The following TIAM1 variants were observed in gnomAD, a reference collection of about 807,000 sequenced individuals.
TIAM1 encodes the protein rho guanine nucleotide exchange factor TIAM1.
In TIAM1, 65 loss-of-function variants were observed where a neutral mutation model predicts 163.5. That is an observed-to-expected ratio of 0.40 (90% CI 0.33 to 0.49). The LOEUF (loss-of-function observed/expected upper bound fraction) is 0.49. Among genes scored for constraint, TIAM1 ranks in the 20% least tolerant of loss-of-function variants. TIAM1 has a pLI of 0.77. For missense variants in TIAM1, 1,789 were observed against 2,044.7 expected, an observed-to-expected ratio of 0.87 and a Z score of 2.41; for synonymous variants, 833 against 810.1, an observed-to-expected ratio of 1.03 and a Z score of -0.48.
At chr21:31,419,584 T>C (rs1161901311) in intron 2 of TIAM1, among the ~76,000 whole-genome samples, 1 of 152,242 alleles carries the variant, frequency 6.6e-6, no homozygotes, top group Admixed American at 6.5e-5. Flanking sequence ...ATGCATTAGA[T>C]GCGTTTAACA....
chr21:31,514,791 G>A (rs1017136118), intron 1 of TIAM1, among the ~76,000 whole-genome samples: 1 of 152,224 alleles, frequency 6.6e-6, no homozygotes, highest in Non-Finnish European at 1.5e-5. Context: ...CTGGAGTGTG[G>A]TCCCTGCTGA....
chr21:31,453,915 C>T (rs1260993384), intron 2 of TIAM1, among the ~76,000 whole-genome samples: 2 of 152,094 alleles, frequency 1.3e-5, no homozygotes, highest in East Asian at 3.9e-4. Flanking sequence ...GGCACACTGG[C>T]CACCTTTCTG....
In TIAM1 at chr21:31,454,372, G is replaced by A. The variant is rs148625250; in HGVS notation, c.-369+9611C>T. ...GATCTCATAAGGTTAAAAATTTTAAGAGCATGTCAGAAAACAACATGTGTA... is the reference window on the plus strand; with the variant it reads ...GATCTCATAAGGTTAAAAATTTTAAAAGCATGTCAGAAAACAACATGTGTA... On this transcript the variant is annotated intron_variant, in intron 2 of 28. Coordinates refer to the TIAM1 transcript ENST00000286827. Among the ~76,000 whole-genome samples the A allele has an allele frequency of 5.3e-4, 81 of 152,294 alleles. No individual in the cohort carries two copies. The East Asian group carries it at 0.013, about 25-fold the overall frequency.
chr21:31,179,382 C>T (rs114384289), intron 15 of TIAM1, among the ~76,000 whole-genome samples: 273 of 150,636 alleles, frequency 1.8e-3, no homozygotes, highest in African/African-American at 6.5e-3. Context: ...ACCGCAACTT[C>T]GTTTCAAAAA....
At chr21:31,196,551 C>A (rs2085870919) in intron 12 of TIAM1, among the ~76,000 whole-genome samples, 1 of 149,948 alleles carries the variant, frequency 6.7e-6, no homozygotes. Context: ...AAACTCTGAC[C>A]TCAAATGATC....
At chr21:31,247,037 T>C (rs2071538154) in intron 5 of TIAM1, among the ~76,000 whole-genome samples, 1 of 152,158 alleles carries the variant, frequency 6.6e-6, no homozygotes, top group Non-Finnish European at 1.5e-5. Context: ...AAGATAAAGT[T>C]TGCCAGGCAC....
rs777513192 is a variant in TIAM1, at chr21:31,213,412, C to A, written c.2203G>T (p.Val735Phe). Residue 735 changes from valine to phenylalanine, a missense_variant, in exon 10 of 28, where the codon GTT (valine) becomes TTT (phenylalanine). Around this residue, in one of 5 missense-constraint regions of TIAM1, gnomAD observed 456 missense variants for 586.6 expected, o/e 0.78. Coordinates refer to ENST00000541036, the MANE Select transcript of TIAM1 (RefSeq NM_001353694.2). The part of the protein sequence containing the change: ...KSLEGIFDDI[V>F]PDGKREKEVV... ...TTTATTTTTACCTTGCCATCTGGAA[C>A]AATGTCATCAAATATTCCCTCTAAA... 41 of 1,610,070 alleles carry A rather than the reference C, an allele frequency of 2.5e-5. No individual in the cohort carries two copies. In the Admixed American group the frequency reaches 6.3e-4, roughly 25 times the overall value.
intron 8 of TIAM1, among the ~76,000 whole-genome samples, chr21:31,223,157 C>T (rs567446710): frequency 3.3e-5 from 5 of 152,212 alleles, no homozygotes; most frequent in East Asian, 1.9e-4. Flanking sequence ...ATGTGAACAG[C>T]GCTGAAGATG....
intron 6 of TIAM1, among the ~76,000 whole-genome samples, chr21:31,240,275 G>A (rs977968248): frequency 3.3e-5 from 5 of 152,096 alleles, no homozygotes; most frequent in South Asian, 4.1e-4. Flanking sequence ...AAAGCAACAC[G>A]AACAGTGGTA....
intron 4 of TIAM1, among the ~76,000 whole-genome samples, chr21:31,262,529 C>T (rs2072536736): frequency 6.6e-6 from 1 of 152,224 alleles, no homozygotes; most frequent in Admixed American, 6.5e-5. Flanking sequence ...GGATGCACAA[C>T]AAACATGCTC....
rs138993619 is a variant in TIAM1, at chr21:31,288,500, C to T, written c.-188-11592G>A. Among the ~76,000 whole-genome samples, 321 of 152,216 alleles carry T rather than the reference C, an allele frequency of 2.1e-3. 2 individuals carry two copies. Among genetic ancestry groups the T allele is most frequent in the Non-Finnish European group, 3.5e-3 (238 of 68,010 alleles). On this transcript the variant is annotated intron_variant, in intron 2 of 27. Transcript: ENST00000541036. ...CTCCTTCAAGTCTCTTTCATAAGGG[C>T]ACGAATCCCATTTATGAGGGCAGAG... is the stretch of plus-strand genomic sequence containing the variant.
intron 1 of TIAM1, among the ~76,000 whole-genome samples, chr21:31,537,384 G>T (rs913495766): frequency 1.3e-5 from 2 of 151,934 alleles, no homozygotes; most frequent in South Asian, 2.1e-4. Flanking sequence ...TTTTTGGTTG[G>T]GGGGGATGCA....
intron 1 of TIAM1, among the ~76,000 whole-genome samples, chr21:31,477,529 C>T (rs2045972435): frequency 7.0e-6 from 1 of 142,652 alleles, no homozygotes; most frequent in South Asian, 2.2e-4. Context: ...GGCTGCAGTG[C>T]AGTGGCGCAA....
chr21:31,285,010 T>C (rs1447692017), intron 2 of TIAM1, among the ~76,000 whole-genome samples: 2 of 152,082 alleles, frequency 1.3e-5, no homozygotes, highest in Non-Finnish European at 2.9e-5. Context: ...CAACCTGCAA[T>C]TTCCCTGATG....
chr21:31,438,635 T>C (rs1176704405), intron 2 of TIAM1, among the ~76,000 whole-genome samples: 1 of 152,178 alleles, frequency 6.6e-6, no homozygotes, highest in Non-Finnish European at 1.5e-5. Flanking sequence ...CTTGCATGTG[T>C]CCTGCTCTCT....
rs191742321 is a variant in TIAM1 at position 31,129,379 on chromosome 21, A to G, written c.4045+834T>C. ...ACTTCACTGCTATGTGGATCACAGAAAAAGAATCAACATTTCAGGTTGGGC... is the reference window on the plus strand; with the variant it reads ...ACTTCACTGCTATGTGGATCACAGAGAAAGAATCAACATTTCAGGTTGGGC... On this transcript the variant is annotated intron_variant, in intron 25 of 27. Coordinates refer to ENST00000541036, the MANE Select transcript of TIAM1 (RefSeq NM_001353694.2). Among the ~76,000 whole-genome samples, 3 of 152,366 alleles carry G rather than the reference A, an allele frequency of 2.0e-5. No homozygotes were observed. In the East Asian group the frequency reaches 5.8e-4, roughly 29 times the overall value.
rs542870023 is a variant in TIAM1, at chr21:31,200,265, A to G, written c.2493+2643T>C. ...GGCAGGAGAATTGCTTGAACCAAGG[A>G]GGCAGAGGTTGCAGTGAGCCAAGAT... On this transcript the variant is annotated intron_variant, in intron 12 of 27. Coordinates refer to ENST00000541036, the MANE Select transcript of TIAM1 (RefSeq NM_001353694.2). Among the ~76,000 whole-genome samples, 29 of 152,236 alleles carry G rather than the reference A, an allele frequency of 1.9e-4. No individual in the cohort carries two copies. The East Asian group carries it at 5.4e-3, about 28-fold the overall frequency.
intron 6 of TIAM1, among the ~76,000 whole-genome samples, chr21:31,236,479 A>G (rs906342197): frequency 1.3e-5 from 2 of 152,178 alleles, no homozygotes; most frequent in African/African-American, 4.8e-5. Context: ...TCAGCTTGTC[A>G]TATCAGTGGA....
intron 2 of TIAM1, among the ~76,000 whole-genome samples, chr21:31,443,625 C>T (rs2044515593): frequency 6.6e-6 from 1 of 152,164 alleles, no homozygotes; most frequent in Admixed American, 6.5e-5. Flanking sequence ...CCCACAACCA[C>T]CACCACCCAC....
Sources: gnomAD v4.1 joint callset for allele counts (sites outside exome capture counted in the v4.1 genomes callset) on GRCh38, gnomAD v4.1.1 for gene constraint, gnomAD v4.1.1 regional missense constraint, MANE v1.5 for transcripts, NCBI Gene and HGNC (gene_info 2026-07-23, HGNC 2026-07-21) for gene names.